TRPC6: variants seen among roughly 807,000 people sequenced by gnomAD.
TRPC6 encodes the protein short transient receptor potential channel 6.
In TRPC6, 55 loss-of-function variants were observed where a neutral mutation model predicts 90.7. That is an observed-to-expected ratio of 0.61 (90% CI 0.49 to 0.76). The LOEUF is 0.76. Ranked by LOEUF, TRPC6 falls within the 30% of genes least tolerant of loss-of-function variation. The probability of loss-of-function intolerance (pLI) is 0.00; values close to 1 mark genes in which losing one functional copy is unlikely to be tolerated. For missense variants in TRPC6, 989 were observed against 1,122.7 expected, an observed-to-expected ratio of 0.88 and a Z score of 1.70; for synonymous variants, 393 against 393.0, an observed-to-expected ratio of 1.00 and a Z score of 0.00.
At chr11:101,466,454 CA>C (rs994204456) in intron 10 of TRPC6, among the ~76,000 whole-genome samples, 6 of 152,246 alleles carry the variant, frequency 3.9e-5, no homozygotes, top group Non-Finnish European at 1.5e-5. Flanking sequence ...TGCTGAGCTG[CA>C]GTGGGCTCTG....
At chr11:101,531,890 T>C (rs1042884549) in intron 1 of TRPC6, among the ~76,000 whole-genome samples, 2 of 152,192 alleles carry the variant, frequency 1.3e-5, no homozygotes, top group African/African-American at 2.4e-5. Context: ...GCCCTAAGCA[T>C]TCTCTCCCTC....
chr11:101,464,822 G>T (rs979764751), intron 10 of TRPC6, among the ~76,000 whole-genome samples: 7 of 152,108 alleles, frequency 4.6e-5, no homozygotes, highest in Non-Finnish European at 2.9e-5. Flanking sequence ...ACGTGAATTT[G>T]ATCCTGTCAT....
At chr11:101,526,472 T>C (rs1860781783) in intron 1 of TRPC6, among the ~76,000 whole-genome samples, 2 of 152,252 alleles carry the variant, frequency 1.3e-5, no homozygotes, top group South Asian at 4.1e-4. Flanking sequence ...GTTTTCTTAC[T>C]GAGTGAATCT....
chr11:101,576,715 G>GT (rs1862079105), intron 1 of TRPC6, among the ~76,000 whole-genome samples: 1 of 152,054 alleles, frequency 6.6e-6, no homozygotes, highest in Non-Finnish European at 1.5e-5. Flanking sequence ...TCAAGAAAAT[G>GT]TTTTCCTTTT....
At chr11:101,583,084 A>T in intron 1 of TRPC6, 1 of 811,264 alleles carries the variant, frequency 1.2e-6, no homozygotes, top group Non-Finnish European at 1.5e-6. Flanking sequence ...ATGCGGTCTC[A>T]CTCTCGTGGG....
At chr11:101,496,889 T>A (rs528951542) in intron 2 of TRPC6, among the ~76,000 whole-genome samples, 1 of 152,198 alleles carries the variant, frequency 6.6e-6, no homozygotes, top group Non-Finnish European at 1.5e-5. Context: ...AGAACACACA[T>A]ACACATACCC....
At chr11:101,583,276 C>A (rs954845785) in intron 1 of TRPC6, 58 bp downstream of exon 1, 4 of 1,527,532 alleles carry the variant, frequency 2.6e-6, no homozygotes, top group East Asian at 4.9e-5. Flanking sequence ...CTCCTGCGAG[C>A]GCACAACCTC....
At position 101,453,013 on chromosome 11, in the gene TRPC6, A is replaced by ATAAG; in HGVS notation, c.2734_2737dup (p.Ile913ThrfsTer3). Reference sequence around the variant, plus strand: ...GGATAATTTCTCTCCAAGTTCTCTAATAAGTTCTGCTAGGTCTTCTGTATT... The same window carrying ATAAG: ...GGATAATTTCTCTCCAAGTTCTCTAATAAGTAAGTTCTGCTAGGTCTTCTGTATT... On this transcript the variant is annotated frameshift_variant, in exon 13 of 13. Coordinates refer to ENST00000344327, the MANE Select transcript of TRPC6 (RefSeq NM_004621.6). LOFTEE classifies it high-confidence loss of function. 1 of 1,613,940 alleles carries ATAAG rather than the reference A, an allele frequency of 6.2e-7. No individual in the cohort carries two copies. Among genetic ancestry groups the ATAAG allele is most frequent in the Non-Finnish European group, 8.5e-7 (1 of 1,179,888 alleles).
chr11:101,504,889 G>T, intron 1 of TRPC6, 91 bp from the exon 2 acceptor site: 4 of 1,413,636 alleles, frequency 2.8e-6, no homozygotes, highest in African/African-American at 1.4e-5. Context: ...CAATCCTCAA[G>T]TATATTAGAT....
intron 1 of TRPC6, among the ~76,000 whole-genome samples, chr11:101,573,292 C>T (rs1450659974): frequency 6.7e-6 from 1 of 148,514 alleles, no homozygotes; most frequent in Non-Finnish European, 1.5e-5. Context: ...TGGTATTCTA[C>T]TTCAGAGGAA....
At chr11:101,456,512 C>A (rs1325306484) in intron 10 of TRPC6, among the ~76,000 whole-genome samples, 1 of 152,154 alleles carries the variant, frequency 6.6e-6, no homozygotes, top group Non-Finnish European at 1.5e-5. Flanking sequence ...CATCATGTCT[C>A]TGATTTATTT....
chr11:101,551,381 CTGTT>C (rs1192129553), intron 1 of TRPC6, among the ~76,000 whole-genome samples: 3 of 152,068 alleles, frequency 2.0e-5, no homozygotes, highest in Non-Finnish European at 4.4e-5. Flanking sequence ...TTTTTATAAA[CTGTT>C]TGTCAAAAAG....
intron 12 of TRPC6, 116 bp downstream of exon 12, chr11:101,453,534 T>G: frequency 9.8e-7 from 1 of 1,024,892 alleles, no homozygotes; most frequent in South Asian, 1.3e-5. Flanking sequence ...CTGTTCTACT[T>G]TTCCCCTTGA....
chr11:101,484,921 TGATTA>T (rs886084228), intron 4 of TRPC6, among the ~76,000 whole-genome samples: 8 of 152,094 alleles, frequency 5.3e-5, no homozygotes, highest in African/African-American at 1.7e-4. Context: ...TAACATATAG[TGATTA>T]GATTAGGGTA....
chr11:101,553,618 T>C (rs889026171), intron 1 of TRPC6, among the ~76,000 whole-genome samples: 3 of 152,304 alleles, frequency 2.0e-5, no homozygotes, highest in East Asian at 3.9e-4. Context: ...GTTGTGTTTC[T>C]AATAGTTTCC....
At chr11:101,582,024 A>G (rs1326795217) in intron 1 of TRPC6, among the ~76,000 whole-genome samples, 1 of 152,222 alleles carries the variant, frequency 6.6e-6, no homozygotes, top group East Asian at 1.9e-4. Flanking sequence ...GTGGCTGTAC[A>G]ACTTTATGGA....
intron 1 of TRPC6, among the ~76,000 whole-genome samples, chr11:101,555,008 T>C (rs1464963929): frequency 6.6e-6 from 1 of 152,134 alleles, no homozygotes; most frequent in Admixed American, 6.6e-5. Flanking sequence ...CATTAGTGTT[T>C]GCTCTTTCTT....
At chr11:101,470,161 A>T (rs908438537) in intron 9 of TRPC6, among the ~76,000 whole-genome samples, 8 of 152,220 alleles carry the variant, frequency 5.3e-5, no homozygotes, top group African/African-American at 1.9e-4. Flanking sequence ...TTGACTTCTT[A>T]CAATGGTGGG....
intron 2 of TRPC6, among the ~76,000 whole-genome samples, chr11:101,502,163 C>T (rs899385794): frequency 2.0e-5 from 3 of 151,986 alleles, no homozygotes; most frequent in African/African-American, 7.2e-5. Context: ...ATCTTTACGT[C>T]TTCATCATCG....
Sources: gnomAD v4.1 joint callset for allele counts (sites outside exome capture counted in the v4.1 genomes callset) on GRCh38, gnomAD v4.1.1 for gene constraint, MANE v1.5 for transcripts, NCBI Gene and HGNC (gene_info 2026-07-23, HGNC 2026-07-21) for gene names.